Variants in CDK7 observed in about 807,000 individuals in gnomAD.
CDK7 encodes cyclin dependent kinase 7.
In CDK7, 25 loss-of-function variants were observed where a neutral mutation model predicts 49.1. The observed-to-expected ratio is 0.51, with a 90% CI of 0.37 to 0.71. The LOEUF is 0.71. CDK7 is among the 30% of genes least tolerant of loss of function. The pLI, the probability that CDK7 is intolerant of heterozygous loss-of-function variation, is 0.00. For synonymous variants in CDK7, 107 were observed against 140.0 expected (o/e 0.76, Z 1.67); for missense variants, 316 against 411.7 (o/e 0.77, Z 2.01).
intron 7 of CDK7, among the ~76,000 whole-genome samples, chr5:69,261,721 G>T (rs1323361909): frequency 6.6e-6 from 1 of 151,906 alleles, no homozygotes; most frequent in Non-Finnish European, 1.5e-5. Flanking sequence ...TAGTAGAGAC[G>T]GGTTTCACTA....
In CDK7 at chr5:69,272,990, C is replaced by A. The variant is rs1416868827; in HGVS notation, c.813C>A (p.Leu271=). ...CAGCAGGAGACGACTTACTAGATCT[C>A]ATACAAGGCTTATTCTTATTTAATC... ...FSAAGDDLLD[L]IQGLFLFNPC... The change falls in exon 10 of 12, where the codon CTC becomes CTA. Residue 271 remains leucine (L), a synonymous_variant. Coordinates refer to ENST00000256443, the MANE Select transcript of CDK7 (RefSeq NM_001799.4). 2.5e-6 allele frequency: 4 copies of A among 1,596,592 alleles called. No homozygotes were observed. The highest frequency in any genetic ancestry group is 3.4e-6 in the Non-Finnish European group (4 of 1,169,900).
intron 3 of CDK7, among the ~76,000 whole-genome samples, chr5:69,253,164 A>T (rs1750259507): frequency 6.6e-6 from 1 of 152,246 alleles, no homozygotes. Flanking sequence ...TTATTTCATT[A>T]AACTTTCTTC....
intron 8 of CDK7, among the ~76,000 whole-genome samples, chr5:69,268,336 T>C (rs1751298028): frequency 6.6e-6 from 1 of 152,218 alleles, no homozygotes; most frequent in South Asian, 2.1e-4. Flanking sequence ...TGTCTCGTTT[T>C]CCTCTTTTAA....
chr5:69,251,018 C>A (rs1301629170), intron 2 of CDK7, among the ~76,000 whole-genome samples: 1 of 152,078 alleles, frequency 6.6e-6, no homozygotes, highest in Non-Finnish European at 1.5e-5. Context: ...CAGCCTCGAA[C>A]TCCTGGGCTC....
chr5:69,255,405 A>G (rs1297433565), intron 4 of CDK7, 55 bp from the exon 5 acceptor site: 6 of 1,007,628 alleles, frequency 6.0e-6, no homozygotes, highest in Non-Finnish European at 8.9e-6. Context: ...CTCAGTTGCT[A>G]TGATACTGTC....
chr5:69,234,946 T>C lies in CDK7; in HGVS notation c.-30T>C, dbSNP rs758430247. On this transcript the variant is annotated 5_prime_UTR_variant, in exon 1 of 12. Transcript: ENST00000256443. ...CGTGTTGTCCTGGGAGCTCGCCCTTTTCGGCTGGAGTCGGGCTTTACGGCG... is the reference window on the plus strand; with the variant it reads ...CGTGTTGTCCTGGGAGCTCGCCCTTCTCGGCTGGAGTCGGGCTTTACGGCG... 2.5e-6 allele frequency: 4 copies of C among 1,575,970 alleles called. No homozygotes were observed. The highest frequency in any genetic ancestry group is 3.4e-6 in the Non-Finnish European group (4 of 1,160,272).
At chr5:69,266,708 G>GA (rs373240031) in intron 8 of CDK7, among the ~76,000 whole-genome samples, 2,039 of 141,340 alleles carry the variant, frequency 0.014, 31 homozygotes, top group African/African-American at 0.047. Flanking sequence ...TGGCTTCCAG[G>GA]AAAAAAAAAA....
At chr5:69,247,094 A>G (rs1334163141) in intron 2 of CDK7, among the ~76,000 whole-genome samples, 2 of 152,318 alleles carry the variant, frequency 1.3e-5, no homozygotes, top group Admixed American at 1.3e-4. Context: ...GACATTTTCT[A>G]TAAATATCTA....
chr5:69,269,030 C>T (rs1751351519), intron 8 of CDK7, among the ~76,000 whole-genome samples, 177 bp from the exon 9 acceptor site: 2 of 152,126 alleles, frequency 1.3e-5, no homozygotes, highest in South Asian at 4.1e-4. Flanking sequence ...GCAGTCCCAG[C>T]TACTCGGGAG....
At chr5:69,264,354 G>A (rs1386741849) in intron 8 of CDK7, among the ~76,000 whole-genome samples, 4 of 152,138 alleles carry the variant, frequency 2.6e-5, no homozygotes, top group Non-Finnish European at 5.9e-5. Flanking sequence ...GGGAAAGTAA[G>A]CTGCAAAACT....
intron 2 of CDK7, among the ~76,000 whole-genome samples, chr5:69,236,122 TC>T (rs1451772388): frequency 6.6e-6 from 1 of 151,692 alleles, no homozygotes; most frequent in Non-Finnish European, 1.5e-5. Flanking sequence ...CTGTCTGTAA[TC>T]CCAGCTACTC....
At chr5:69,271,206 C>T (rs1346447687) in intron 9 of CDK7, among the ~76,000 whole-genome samples, 1 of 152,130 alleles carries the variant, frequency 6.6e-6, no homozygotes, top group Admixed American at 6.5e-5. Context: ...ATTTTCACTG[C>T]TCTAATGGTT....
Position 69,259,896 on chromosome 5 carries a change from G to C in CDK7, c.487G>C (p.Gly163Arg), listed in dbSNP as rs371038477. 6.2e-7 allele frequency: 1 copy of C among 1,613,686 alleles called. No individual in the cohort carries two copies. Among genetic ancestry groups the C allele is most frequent in the Non-Finnish European group, 8.5e-7 (1 of 1,179,738 alleles). The part of the protein sequence containing the change: ...LADFGLAKSF[G>R]SPNRAYTHQV... ...AGATTTTGGCCTGGCCAAATCTTTTGGGAGCCCCAATAGAGCTTATACACA... is the reference window on the plus strand; with the variant it reads ...AGATTTTGGCCTGGCCAAATCTTTTCGGAGCCCCAATAGAGCTTATACACA... Residue 163 changes from glycine (G) to arginine (R), a missense_variant, in exon 7 of 12, where the codon GGG becomes CGG. Coordinates refer to ENST00000256443, the MANE Select transcript of CDK7 (RefSeq NM_001799.4).
intron 2 of CDK7, among the ~76,000 whole-genome samples, chr5:69,242,079 G>A (rs1749431758): frequency 6.6e-6 from 1 of 152,114 alleles, no homozygotes; most frequent in Non-Finnish European, 1.5e-5. Flanking sequence ...TTTGATTTTT[G>A]TATATGATGA....
chr5:69,265,223 C>T (rs967060367), intron 8 of CDK7, among the ~76,000 whole-genome samples: 11 of 151,652 alleles, frequency 7.3e-5, no homozygotes, highest in East Asian at 3.9e-4. Context: ...CAAGATCGCA[C>T]CACTGCACTC....
chr5:69,235,072 C>G (rs1191573589), intron 1 of CDK7, 31 bp downstream of exon 1: 1 of 1,573,242 alleles, frequency 6.4e-7, no homozygotes, highest in African/African-American at 1.3e-5. Context: ...GGGGAGGGCC[C>G]CAAGCGGACA....
intron 9 of CDK7, 65 bp downstream of exon 9, chr5:69,269,358 T>C: frequency 1.9e-6 from 2 of 1,066,204 alleles, no homozygotes; most frequent in Non-Finnish European, 2.8e-6. Flanking sequence ...AACTGTCATA[T>C]ACTTTATATA....
intron 1 of CDK7, 73 bp downstream of exon 1, chr5:69,235,114 C>T: frequency 7.1e-7 from 1 of 1,402,468 alleles, no homozygotes; most frequent in Non-Finnish European, 9.9e-7. Flanking sequence ...TGCGGGTTTT[C>T]CCGTGGAGGC....
At chr5:69,259,729 C>G (rs1464740122) in intron 6 of CDK7, 89 bp from the exon 7 acceptor site, 4 of 780,944 alleles carry the variant, frequency 5.1e-6, no homozygotes, top group African/African-American at 1.7e-5. Flanking sequence ...CTTGTTTTTG[C>G]TAAGTTTAAA....
Sources: allele counts gnomAD v4.1 joint callset (sites outside exome capture counted in the v4.1 genomes callset), GRCh38; gene constraint gnomAD v4.1.1; transcripts MANE v1.5; gene names NCBI Gene and HGNC (gene_info 2026-07-23, HGNC 2026-07-21).